Variants in BPIFA2 observed in about 807,000 individuals in gnomAD.
BPIFA2 encodes BPI fold-containing family A member 2.
In BPIFA2, 20 loss-of-function variants were observed where a neutral mutation model predicts 25.7. The observed-to-expected ratio is 0.78, with a 90% CI of 0.55 to 1.13. BPIFA2 has a LOEUF of 1.13. Among genes scored for constraint, BPIFA2 ranks in the 50% most tolerant of loss-of-function variants. The pLI is 0.00. For missense variants in BPIFA2, 300 were observed against 298.1 expected (o/e 1.01, Z -0.05); for synonymous variants, 126 against 124.3 (o/e 1.01, Z -0.09).
rs1473210520 is a variant in BPIFA2, at chr20:33,172,145, A to T, written c.158-787A>T. Reference sequence around the variant, plus strand: ...CAGCAAACTAACACAGGAACAGAAAACCAAACACTGCATGTTCTCATTCAT... The same window carrying T: ...CAGCAAACTAACACAGGAACAGAAATCCAAACACTGCATGTTCTCATTCAT... On this transcript the variant is annotated intron_variant, in intron 2 of 8. Transcript: ENST00000354932. Among the ~76,000 whole-genome samples, 8 of 151,904 alleles carry T rather than the reference A, an allele frequency of 5.3e-5. 1 individual carries two copies. The highest frequency in any genetic ancestry group is 1.9e-4 in the African/African-American group (8 of 41,428).
intron 1 of BPIFA2, among the ~76,000 whole-genome samples, chr20:33,163,098 C>A (rs1402640923): frequency 2.6e-5 from 4 of 152,074 alleles, no homozygotes; most frequent in Admixed American, 2.6e-4. Flanking sequence ...TCTGTGGGGC[C>A]CAGAGCCCCA....
Position 33,174,127 on chromosome 20 carries a change from C to T in BPIFA2, c.351C>T (p.Ile117=), listed in dbSNP as rs149183452. 4.3e-6 allele frequency: 7 copies of T among 1,614,026 alleles called. No individual in the cohort carries two copies. The highest frequency in any genetic ancestry group is 4.5e-5 in the East Asian group (2 of 44,884). Residue 117 remains isoleucine (I), a synonymous_variant, in exon 4 of 9, where the codon ATC becomes ATT. Transcript: ENST00000354932. ...TCCTGGATGTCAAAGCTGAACCGAT[C>T]GATGATGGCAAAGGCCTTAACCTGA... is the stretch of plus-strand genomic sequence containing the variant. The part of the protein sequence containing the change: ...SLILDVKAEP[I]DDGKGLNLSF...
intron 3 of BPIFA2, 85 bp from the exon 4 acceptor site, chr20:33,173,994 C>T (rs906634637): frequency 3.4e-5 from 37 of 1,102,658 alleles, no homozygotes; most frequent in Non-Finnish European, 4.9e-5. Flanking sequence ...GAGACCCAAA[C>T]GCTCAGCTCG....
chr20:33,180,757 C>T (rs896618821), intron 8 of BPIFA2, among the ~76,000 whole-genome samples, 160 bp downstream of exon 8: 17 of 152,224 alleles, frequency 1.1e-4, no homozygotes, highest in Non-Finnish European at 2.2e-4. Context: ...TCTGGTCACA[C>T]TCTGAACACT....
At chr20:33,178,306 C>T in intron 6 of BPIFA2, 78 bp downstream of exon 6, 1 of 1,115,704 alleles carries the variant, frequency 9.0e-7, no homozygotes, top group South Asian at 1.5e-5. Context: ...TGGCTGTATC[C>T]TCTGAGCACT....
rs1277832087 is a variant in BPIFA2 at position 33,174,202 on chromosome 20, AATCTGAG to A, written c.410+19_410+25del. ...CTGTGGCCGGGTGAGTATGCACTAG[AATCTGAG>A]ATTTGGGAAAGGCAGTGCAACCTGG... On this transcript the variant is annotated intron_variant, in intron 4 of 8. Transcript: ENST00000354932. 1.2e-6 allele frequency: 2 copies of A among 1,612,046 alleles called. No individual in the cohort carries two copies. The highest frequency in any genetic ancestry group is 1.7e-6 in the Non-Finnish European group (2 of 1,178,282).
intron 2 of BPIFA2, among the ~76,000 whole-genome samples, chr20:33,170,526 C>T (rs1165164152): frequency 6.6e-6 from 1 of 150,706 alleles, no homozygotes; most frequent in South Asian, 2.1e-4. Flanking sequence ...CCCCAGTAGC[C>T]GGGACTACAG....
chr20:33,164,052 C>T (rs370138686), upstream of BPIFA2, among the ~76,000 whole-genome samples: 10 of 152,276 alleles, frequency 6.6e-5, no homozygotes, highest in African/African-American at 1.9e-4. Flanking sequence ...ATCGAATCAG[C>T]TCACCTACTG....
chr20:33,178,073 G>A (rs1001676557), intron 5 of BPIFA2, 74 bp from the exon 6 acceptor site: 40 of 1,128,560 alleles, frequency 3.5e-5, no homozygotes, highest in East Asian at 2.0e-4. Flanking sequence ...TTCCCGCACC[G>A]CCCCCAACTT....
chr20:33,180,547 A>C lies in BPIFA2; in HGVS notation c.737A>C (p.Gln246Pro), dbSNP rs1984241516. 1.2e-6 allele frequency: 2 copies of C among 1,613,558 alleles called. No homozygotes were observed. The highest frequency in any genetic ancestry group is 1.3e-5 in the African/African-American group (1 of 74,916). The change falls in exon 8 of 9, where the codon CAA becomes CCA. Residue 246 changes from glutamine (Q) to proline (P), a missense_variant. Gln to Pro is a moderately conservative substitution (Grantham distance 76, BLOSUM62 -1). Coordinates refer to ENST00000354932, the MANE Select transcript of BPIFA2 (RefSeq NM_080574.4). ...VDNPQHKTQLQTLI is the reference protein window; with the variant it reads ...VDNPQHKTQLPTLI ...AATCCTCAGCACAAAACCCAGCTGC[A>C]AACCCTCATCTGAAGAGGACGAATG... is the stretch of plus-strand genomic sequence containing the variant.
upstream of BPIFA2, among the ~76,000 whole-genome samples, chr20:33,165,253 T>G (rs12106155): frequency 0.029 from 4,343 of 152,342 alleles, 183 homozygotes; most frequent in African/African-American, 0.096. Context: ...GCAGTTCAAG[T>G]GTGAGAAACC....
intron 5 of BPIFA2, among the ~76,000 whole-genome samples, chr20:33,177,118 G>A (rs1314912420): frequency 1.3e-5 from 2 of 152,192 alleles, no homozygotes; most frequent in Admixed American, 6.5e-5. Flanking sequence ...ACTTTGGGAG[G>A]CTGAGGTGGG....
In BPIFA2 at chr20:33,178,152, G is replaced by A. The variant is rs539973676; in HGVS notation, c.569G>A (p.Ser190Asn). ...SISLSLLDKHSQIINKFVNSV... is the reference protein window; with the variant it reads ...SISLSLLDKHNQIINKFVNSV... ...TAGTTCCCTGTGTTTTCCAGACACAGCCAAATCATCAACAAGTTCGTGAAT... is the reference window on the plus strand; with the variant it reads ...TAGTTCCCTGTGTTTTCCAGACACAACCAAATCATCAACAAGTTCGTGAAT... The change falls in exon 6 of 9, where the codon AGC becomes AAC. Residue 190 changes from serine (S) to asparagine (N), a missense_variant. Physicochemically the swap from Ser to Asn is conservative, Grantham distance 46. Coordinates refer to ENST00000354932, the MANE Select transcript of BPIFA2 (RefSeq NM_080574.4). 3.1e-6 allele frequency: 5 copies of A among 1,602,120 alleles called. No homozygotes were observed. The South Asian group carries it at 3.3e-5, about 11-fold the overall frequency.
Position 33,178,165 on chromosome 20 carries a change from C to A in BPIFA2, c.582C>A (p.Asn194Lys), listed in dbSNP as rs763268966. The change falls in exon 6 of 9, where the codon AAC becomes AAA. Residue 194 changes from asparagine to lysine, a missense_variant. Asn to Lys is a moderately conservative substitution (Grantham distance 94). Transcript: ENST00000354932. The part of the protein sequence containing the change: ...SLLDKHSQII[N>K]KFVNSVINTL... The stretch of plus-strand genomic sequence containing the variant: ...TTTCCAGACACAGCCAAATCATCAA[C>A]AAGTTCGTGAATAGCGTGATCAACA... The A allele has an allele frequency of 6.2e-6, 10 of 1,606,222 alleles. No homozygotes were observed. In the Admixed American group the frequency reaches 1.5e-4, roughly 24 times the overall value.
At position 33,179,620 on chromosome 20, in the gene BPIFA2, G is replaced by A. The variant is rs200433583; in HGVS notation, c.662G>A (p.Arg221His). The change falls in exon 7 of 9, where the codon CGC becomes CAC. Residue 221 changes from arginine to histidine, a missense_variant. Coordinates refer to ENST00000354932, the MANE Select transcript of BPIFA2 (RefSeq NM_080574.4). ...LLQKEICPLI[R>H]IFIHSLDVNV... ...CGCTGTCAGATATGTCCACTGATCC[G>A]CATCTTCATCCACTCCCTGGATGTG... The A allele has an allele frequency of 4.3e-5, 70 of 1,612,204 alleles. 2 individuals carry two copies. The highest frequency in any genetic ancestry group is 1.9e-4 in the African/African-American group (14 of 74,796).
intron 4 of BPIFA2, 91 bp downstream of exon 4, chr20:33,174,277 G>C (rs1984003484): frequency 8.7e-7 from 1 of 1,149,926 alleles, no homozygotes; most frequent in Non-Finnish European, 1.3e-6. Flanking sequence ...TCCTCCCGCT[G>C]CTGGGTGAAC....
In BPIFA2 at chr20:33,169,113, C is replaced by T. The variant is rs761400958; in HGVS notation, c.-15-18C>T. The T allele has an allele frequency of 6.2e-6, 10 of 1,604,202 alleles. No homozygotes were observed. Among genetic ancestry groups the T allele is most frequent in the South Asian group, 3.3e-5 (3 of 90,618 alleles). ...CCTCTGGGCAATTCTCACTCCTGTT[C>T]TTCCCATGACTGTCCAGGTGTCAAG... On this transcript the variant is annotated intron_variant, in intron 1 of 8. Coordinates refer to ENST00000354932, the MANE Select transcript of BPIFA2 (RefSeq NM_080574.4).
Position 33,175,458 on chromosome 20 carries a change from C to A in BPIFA2, c.462C>A (p.Thr154=). 3.7e-6 allele frequency: 6 copies of A among 1,613,926 alleles called. No homozygotes were observed. The highest frequency in any genetic ancestry group is 1.7e-5 in the Admixed American group (1 of 60,002). ...TGAAAGCCTCCTTGGACCTCCTGAC[C>A]GCAGTCACAATTGAAACTGATCCCC... ...INLKASLDLL[T]AVTIETDPQT... Residue 154 remains threonine (T), a synonymous_variant, in exon 5 of 9, where the codon ACC becomes ACA. Coordinates refer to ENST00000354932, the MANE Select transcript of BPIFA2 (RefSeq NM_080574.4).
chr20:33,173,177 T>G, intron 3 of BPIFA2, 101 bp downstream of exon 3: 1 of 1,407,768 alleles, frequency 7.1e-7, no homozygotes, highest in Non-Finnish European at 9.7e-7. Context: ...ACAAGCCTCA[T>G]TCCCCTCCCA....
Sources: allele counts gnomAD v4.1 joint callset (sites outside exome capture counted in the v4.1 genomes callset), GRCh38; gene constraint gnomAD v4.1.1; transcripts MANE v1.5; gene names NCBI Gene and HGNC (gene_info 2026-07-23, HGNC 2026-07-21).